The following BAZ2B variants were observed in gnomAD, a reference collection of about 807,000 sequenced individuals.
BAZ2B encodes the protein bromodomain adjacent to zinc finger domain protein 2B.
BAZ2B carries 91 observed loss-of-function variants against 246.0 expected under a neutral mutation model. That is an observed-to-expected ratio of 0.37 (90% CI 0.31 to 0.44). BAZ2B has a LOEUF of 0.44. BAZ2B is among the 20% of genes least tolerant of loss of function. The pLI is 1.00. For synonymous variants in BAZ2B, 855 were observed against 860.0 expected (o/e 0.99, Z 0.10); for missense variants, 2,332 against 2,533.7 (o/e 0.92, Z 1.71).
At chr2:159,402,315 T>C (rs2065211673) in intron 16 of BAZ2B, among the ~76,000 whole-genome samples, 1 of 152,048 alleles carries the variant, frequency 6.6e-6, no homozygotes, top group African/African-American at 2.4e-5. Context: ...CTGGGTGTGG[T>C]GGTGCATGCC....
intron 3 of BAZ2B, among the ~76,000 whole-genome samples, chr2:159,474,491 G>A (rs1348636161): frequency 6.6e-6 from 1 of 152,160 alleles, no homozygotes; most frequent in Non-Finnish European, 1.5e-5. Flanking sequence ...GCACATCCAT[G>A]GGTCTTGACT....
At chr2:159,501,179 T>C (rs866461541) in intron 2 of BAZ2B, among the ~76,000 whole-genome samples, 6 of 106,584 alleles carry the variant, frequency 5.6e-5, no homozygotes, top group Middle Eastern at 4.1e-3. Context: ...ATATATTATA[T>C]ATATTTATAT....
At chr2:159,535,998 A>C (rs1396259485) in intron 2 of BAZ2B, among the ~76,000 whole-genome samples, 1 of 152,234 alleles carries the variant, frequency 6.6e-6, no homozygotes, top group Non-Finnish European at 1.5e-5. Context: ...ATTAGAAAAG[A>C]ATAATTAATA....
At chr2:159,550,540 C>CA (rs2088028726) in intron 2 of BAZ2B, among the ~76,000 whole-genome samples, 1 of 151,910 alleles carries the variant, frequency 6.6e-6, no homozygotes, top group East Asian at 1.9e-4. Context: ...GCAAGGGAGA[C>CA]TGGGGAAATG....
At chr2:159,409,025 T>C (rs2066403541) in intron 14 of BAZ2B, among the ~76,000 whole-genome samples, 1 of 151,198 alleles carries the variant, frequency 6.6e-6, no homozygotes, top group African/African-American at 2.4e-5. Flanking sequence ...ATAAATTACT[T>C]CCAGTATCTT....
At chr2:159,438,045 G>T in intron 8 of BAZ2B, 1 of 356,584 alleles carries the variant, frequency 2.8e-6, no homozygotes, top group Non-Finnish European at 5.0e-6. Context: ...GATCTTGGGT[G>T]TGGGGACTTA....
chr2:159,655,439 A>C, the BAZ2B span, among the ~76,000 whole-genome samples: 1 of 152,096 alleles, frequency 6.6e-6, no homozygotes, highest in African/African-American at 2.4e-5. Flanking sequence ...GCTTCTTTCA[A>C]GAGTTTCTTT....
the BAZ2B span, among the ~76,000 whole-genome samples, chr2:159,637,309 G>A: frequency 6.6e-6 from 1 of 152,196 alleles, no homozygotes; most frequent in Non-Finnish European, 1.5e-5. Flanking sequence ...GGGCTCCAGA[G>A]GGGAGCCCAC....
At position 159,349,043 on chromosome 2, in the gene BAZ2B, G is replaced by A. The variant is rs773782765; in HGVS notation, c.5101C>T (p.Pro1701Ser). 2 of 1,614,090 alleles carry A rather than the reference G, an allele frequency of 1.2e-6. No individual in the cohort carries two copies. The highest frequency in any genetic ancestry group is 3.3e-5 in the Admixed American group (2 of 60,004). ...GGTTTTGGACTAGGAAAATCTACTG[G>A]TTTTGCTACTTCAACAGCTGCAGGT... ...AQPAAVEVAK[P>S]VDFPSPKPIP... is the part of the protein sequence containing the mutation. The change falls in exon 29 of 37, where the codon CCA becomes TCA. Residue 1701 changes from proline (P) to serine (S), a missense_variant. By Grantham distance (74) the Pro-to-Ser change is moderately conservative (BLOSUM62 -1). Around this residue, in one of 9 missense-constraint regions of BAZ2B, gnomAD observed 676 missense variants for 668.6 expected, o/e 1.01. Transcript: ENST00000392783.
In BAZ2B at chr2:159,347,632, G is replaced by C. The variant is rs756745705; in HGVS notation, c.5308C>G (p.Leu1770Val). Reference sequence around the variant, plus strand: ...ACTTGGTTTTCTTCATTTTCATTCAGTTCAATAATAGCAACTACATTTAAA... The same window carrying C: ...ACTTGGTTTTCTTCATTTTCATTCACTTCAATAATAGCAACTACATTTAAA... Reference protein sequence around the residue: ...LKNKDVAIIELNENEENQVTR... With the variant: ...LKNKDVAIIEVNENEENQVTR... Residue 1770 changes from leucine (L) to valine (V), a missense_variant, in exon 31 of 37, where the codon CTG (leucine) becomes GTG (valine). Leu to Val is a conservative substitution (Grantham distance 32, BLOSUM62 1). Around this residue, in one of 9 missense-constraint regions of BAZ2B, gnomAD observed 676 missense variants for 668.6 expected, o/e 1.01. Transcript: ENST00000392783. The C allele has an allele frequency of 6.2e-7, 1 of 1,607,508 alleles. No individual in the cohort carries two copies. The highest frequency in any genetic ancestry group is 1.1e-5 in the South Asian group (1 of 90,354).
intron 2 of BAZ2B, among the ~76,000 whole-genome samples, chr2:159,539,037 T>C (rs952699102): frequency 6.6e-6 from 1 of 152,248 alleles, no homozygotes; most frequent in East Asian, 1.9e-4. Flanking sequence ...GTGATACCTA[T>C]ACTCTGCTTC....
the BAZ2B span, among the ~76,000 whole-genome samples, chr2:159,628,979 A>G: frequency 3.9e-5 from 6 of 152,194 alleles, no homozygotes; most frequent in Non-Finnish European, 7.3e-5. Flanking sequence ...ACAAGAAAAA[A>G]CAAACAACCC....
intron 27 of BAZ2B, among the ~76,000 whole-genome samples, chr2:159,357,933 C>G (rs2059285773): frequency 6.6e-6 from 1 of 152,138 alleles, no homozygotes; most frequent in African/African-American, 2.4e-5. Context: ...TTTGTCACCA[C>G]CAGGCCTGCC....
intron 2 of BAZ2B, among the ~76,000 whole-genome samples, chr2:159,488,377 T>C (rs944767510): frequency 6.6e-6 from 1 of 152,136 alleles, no homozygotes; most frequent in African/African-American, 2.4e-5. Context: ...CCACCAATAA[T>C]TGGATTGCTT....
chr2:159,673,948 CAGA>C, the BAZ2B span, among the ~76,000 whole-genome samples: 9 of 151,712 alleles, frequency 5.9e-5, no homozygotes, highest in Non-Finnish European at 1.5e-5. Flanking sequence ...GTAGAAGGGA[CAGA>C]AGAAGGAATG....
chr2:159,712,418 C>G, the BAZ2B span: 1 of 153,028 alleles, frequency 6.5e-6, no homozygotes, highest in Non-Finnish European at 1.5e-5. Context: ...GCTCTCGGTC[C>G]CCGCCGCGCC....
At chr2:159,453,178 AAAGT>A (rs1303216013) in intron 4 of BAZ2B, among the ~76,000 whole-genome samples, 2 of 152,214 alleles carry the variant, frequency 1.3e-5, no homozygotes, top group South Asian at 2.1e-4. Flanking sequence ...ACAGTGAAGA[AAAGT>A]AAGACCTTGA....
chr2:159,615,078 A>C (rs932012153), intron 1 of BAZ2B, among the ~76,000 whole-genome samples: 11 of 152,174 alleles, frequency 7.2e-5, no homozygotes, highest in Non-Finnish European at 7.3e-5. Flanking sequence ...AATTTCAACA[A>C]CTCGGCCAAG....
At position 159,378,489 on chromosome 2, in the gene BAZ2B, C is replaced by T. The variant is rs554586139; in HGVS notation, c.4006-3736G>A. Among the ~76,000 whole-genome samples the T allele has an allele frequency of 9.9e-5, 15 of 152,044 alleles. No homozygotes were observed. In the South Asian group the frequency reaches 2.1e-3, roughly 21 times the overall value. On this transcript the variant is annotated intron_variant, in intron 25 of 36. Coordinates refer to ENST00000392783, the MANE Select transcript of BAZ2B (RefSeq NM_013450.4). ...ATCAAATTAAAGTGCTTCTTCATGGCAAAGGAAACAACAGACTGAAAAGAG... is the reference window on the plus strand; with the variant it reads ...ATCAAATTAAAGTGCTTCTTCATGGTAAAGGAAACAACAGACTGAAAAGAG...
Sources: gnomAD v4.1 joint callset for allele counts (sites outside exome capture counted in the v4.1 genomes callset) on GRCh38, gnomAD v4.1.1 for gene constraint, gnomAD v4.1.1 regional missense constraint, MANE v1.5 for transcripts, NCBI Gene and HGNC (gene_info 2026-07-23, HGNC 2026-07-21) for gene names.